Variants in CDC42BPB observed in about 807,000 individuals in gnomAD.
The protein encoded by CDC42BPB is serine/threonine-protein kinase MRCK beta.
Under a neutral mutation model 214.9 loss-of-function variants are expected in CDC42BPB, and 37 were observed. That is an observed-to-expected ratio of 0.17 (90% CI 0.13 to 0.23). The LOEUF (loss-of-function observed/expected upper bound fraction) is 0.23, where lower values mean the gene tolerates loss of function less well. Among genes scored for constraint, CDC42BPB ranks in the 10% least tolerant of loss-of-function variants. The pLI is 1.00. For synonymous variants in CDC42BPB, 931 were observed against 884.0 expected (o/e 1.05, Z -0.94); for missense variants, 1,694 against 2,227.0 (o/e 0.76, Z 4.82).
chr14:102,949,203 C>T (rs986535953), intron 26 of CDC42BPB, among the ~76,000 whole-genome samples: 2 of 152,202 alleles, frequency 1.3e-5, no homozygotes, highest in African/African-American at 4.8e-5. Context: ...GTAACATGAC[C>T]ACTGTCCTCT....
In CDC42BPB at chr14:102,943,534, G is replaced by A. The variant is rs1398849987; in HGVS notation, c.4408+357C>T. The stretch of plus-strand genomic sequence containing the variant: ...TGTCTTTACTACTGTGTAAGTTTCT[G>A]TATTATCACGAGGAAGGCCTTTTAA... On this transcript the variant is annotated intron_variant, in intron 30 of 36. Transcript: ENST00000361246. The surrounding 1 kb of genome is among the most constrained non-coding windows in gnomAD (Gnocchi z 4.6). Among the ~76,000 whole-genome samples, 1 of 151,824 alleles carries A rather than the reference G, an allele frequency of 6.6e-6. No homozygotes were observed. Among genetic ancestry groups the A allele is most frequent in the Non-Finnish European group, 1.5e-5 (1 of 68,008 alleles).
intron 1 of CDC42BPB, among the ~76,000 whole-genome samples, chr14:103,040,725 T>A (rs1189619819): frequency 6.6e-6 from 1 of 152,200 alleles, no homozygotes; most frequent in Non-Finnish European, 1.5e-5. Flanking sequence ...CCCAAAGTGT[T>A]GGGATTACAG....
In CDC42BPB at chr14:102,987,792, C is replaced by CACAA. The variant is rs1489675183; in HGVS notation, c.597-1213_597-1212insTTGT. Among the ~76,000 whole-genome samples, 25 of 144,732 alleles carry CACAA rather than the reference C, an allele frequency of 1.7e-4. No homozygotes were observed. In the East Asian group the frequency reaches 3.4e-3, roughly 19 times the overall value. The allele number at this position is 144,732 out of a possible 152,430, so 94.9% of individuals were successfully genotyped here. A position where few individuals can be genotyped will look rare whatever the true frequency, so the allele number is the denominator to read the frequency against. ...ACAAAATCCCACAAACACACAAACA[C>CACAA]ACACACACACACACACACACACACA... On this transcript the variant is annotated intron_variant, in intron 5 of 36. Transcript: ENST00000361246.
rs35352428 is a variant in CDC42BPB, at chr14:102,944,792, C to A, written c.3812-305G>T. On this transcript the variant is annotated intron_variant, in intron 29 of 36. Transcript: ENST00000361246. This position sits in a 1 kb window ranked among gnomAD's most constrained non-coding sequence, Gnocchi z 6.6. ...TCAGTGCACCAGGGCTCCAGCTGGG[C>A]AGCGCTTCCACCTGGGTCCTCGCGC... is the stretch of plus-strand genomic sequence containing the variant. 4,934 of 469,764 alleles carry A rather than the reference C, an allele frequency of 0.011. 217 individuals are homozygous for A. Among genetic ancestry groups the A allele is most frequent in the African/African-American group, 0.098 (4,617 of 47,036 alleles). The allele number at this position is 469,764 out of a possible 1,614,324, so 29.1% of individuals were successfully genotyped here.
chr14:102,992,473 C>G (rs942413929), intron 5 of CDC42BPB, among the ~76,000 whole-genome samples: 11 of 152,198 alleles, frequency 7.2e-5, no homozygotes, highest in African/African-American at 2.4e-4. Context: ...AGAGACGGTG[C>G]TCCTCTCGTT....
At position 103,057,194 on chromosome 14, in the gene CDC42BPB, C is replaced by G. The variant is rs1303939536; in HGVS notation, c.-21G>C. 6.6e-6 allele frequency: 9 copies of G among 1,362,952 alleles called. No individual in the cohort carries two copies. The highest frequency in any genetic ancestry group is 7.6e-6 in the Non-Finnish European group (8 of 1,051,652). The allele number at this position is 1,362,952 out of a possible 1,614,324, so 84.4% of individuals were successfully genotyped here. ...GACATGGTGCCGCGCGGCCCGCTCCCGACGCGCCGGCCTCTCACCGCCGGC... is the reference window on the plus strand; with the variant it reads ...GACATGGTGCCGCGCGGCCCGCTCCGGACGCGCCGGCCTCTCACCGCCGGC... On this transcript the variant is annotated 5_prime_UTR_variant, in exon 1 of 37. Transcript: ENST00000361246.
At chr14:102,966,214 CACATTTATACTT>C in intron 18 of CDC42BPB, 56 bp downstream of exon 18, 1 of 1,188,848 alleles carries the variant, frequency 8.4e-7, no homozygotes, top group Non-Finnish European at 1.2e-6. Flanking sequence ...ACTTATATGT[CACATTTATACTT>C]AAAACCATTA....
At position 102,943,633 on chromosome 14, in the gene CDC42BPB, G is replaced by T. The variant is rs1892003473; in HGVS notation, c.4408+258C>A. On this transcript the variant is annotated intron_variant, in intron 30 of 36. Coordinates refer to ENST00000361246, the MANE Select transcript of CDC42BPB (RefSeq NM_006035.4). The surrounding 1 kb of genome is among the most constrained non-coding windows in gnomAD (Gnocchi z 4.6). Reference sequence around the variant, plus strand: ...CCCAGGGGCCTATGCCCGCCGACGGGGTCCTCTGCTGAGGCCTCTGGAAGA... The same window carrying T: ...CCCAGGGGCCTATGCCCGCCGACGGTGTCCTCTGCTGAGGCCTCTGGAAGA... Among the ~76,000 whole-genome samples the T allele has an allele frequency of 6.6e-6, 1 of 152,120 alleles. No homozygotes were observed. Among genetic ancestry groups the T allele is most frequent in the Non-Finnish European group, 1.5e-5 (1 of 68,026 alleles).
Position 102,943,708 on chromosome 14 carries a change from G to A in CDC42BPB, c.4408+183C>T, listed in dbSNP as rs1302425283. 1 of 595,440 alleles carries A rather than the reference G, an allele frequency of 1.7e-6. No homozygotes were observed. The allele number at this position is 595,440 out of a possible 1,614,324, so 36.9% of individuals were successfully genotyped here. On this transcript the variant is annotated intron_variant, in intron 30 of 36. Coordinates refer to ENST00000361246, the MANE Select transcript of CDC42BPB (RefSeq NM_006035.4). This position sits in a 1 kb window ranked among gnomAD's most constrained non-coding sequence, Gnocchi z 4.6. The stretch of plus-strand genomic sequence containing the variant: ...GAGGTTGCTGAGCCCGCCTACTGCT[G>A]GTCTGAGACGTGAGATCTGAACCAT...
At chr14:103,008,902 G>C (rs867424762) in intron 2 of CDC42BPB, among the ~76,000 whole-genome samples, 4 of 152,230 alleles carry the variant, frequency 2.6e-5, no homozygotes, top group Admixed American at 6.5e-5. Flanking sequence ...GTGGGGCACA[G>C]TCAGCACTCA....
At chr14:102,997,601 C>G (rs1166655222) in intron 5 of CDC42BPB, among the ~76,000 whole-genome samples, 1 of 152,138 alleles carries the variant, frequency 6.6e-6, no homozygotes, top group Non-Finnish European at 1.5e-5. Context: ...AAAACCAGAT[C>G]GAGACTACCC....
chr14:102,974,220 C>T (rs1893627939), intron 11 of CDC42BPB, 71 bp from the exon 12 acceptor site: 2 of 1,568,060 alleles, frequency 1.3e-6, no homozygotes, highest in African/African-American at 1.4e-5. Flanking sequence ...TGTTAGCTGA[C>T]TTACTGACAG....
At chr14:102,965,075 G>A (rs998295011) in intron 18 of CDC42BPB, among the ~76,000 whole-genome samples, 7 of 152,044 alleles carry the variant, frequency 4.6e-5, no homozygotes, top group Admixed American at 3.3e-4. Flanking sequence ...TGGGATTACA[G>A]GTGCCGCACC....
intron 5 of CDC42BPB, among the ~76,000 whole-genome samples, chr14:102,994,390 C>T (rs1453148866): frequency 6.6e-6 from 1 of 151,246 alleles, no homozygotes; most frequent in Non-Finnish European, 1.5e-5. Flanking sequence ...TTTAAGTGAA[C>T]TTGCTGTTTG....
In CDC42BPB at chr14:102,979,667, G is replaced by A. The variant is rs140936093; in HGVS notation, c.1140+1106C>T. On this transcript the variant is annotated intron_variant, in intron 8 of 36. Transcript: ENST00000361246. ...CATACAGAGTGAATGATGATGCTTC[G>A]GTGTAAGAAACTCTCTAAATTAATA... Among the ~76,000 whole-genome samples the A allele has an allele frequency of 1.6e-3, 246 of 152,238 alleles. 1 individual carries two copies. The highest frequency in any genetic ancestry group is 4.9e-3 in the African/African-American group (202 of 41,522).
At chr14:102,957,260 G>C (rs1892754504) in intron 21 of CDC42BPB, among the ~76,000 whole-genome samples, 1 of 151,394 alleles carries the variant, frequency 6.6e-6, no homozygotes, top group Non-Finnish European at 1.5e-5. Flanking sequence ...AGGCGTGCTG[G>C]CTGTAGAGAA....
At chr14:102,976,091 T>C (rs771002504) in intron 9 of CDC42BPB, 42 bp from the exon 10 acceptor site, 1 of 1,597,250 alleles carries the variant, frequency 6.3e-7, no homozygotes, top group Non-Finnish European at 8.5e-7. Flanking sequence ...TACTGAAAAT[T>C]TAGCGATTTC....
At chr14:102,993,012 TAG>T (rs1894566458) in intron 5 of CDC42BPB, among the ~76,000 whole-genome samples, 1 of 151,874 alleles carries the variant, frequency 6.6e-6, no homozygotes, top group Admixed American at 6.6e-5. Context: ...GTATTTTTAG[TAG>T]AGACAGGGTT....
intron 5 of CDC42BPB, among the ~76,000 whole-genome samples, chr14:102,991,655 C>T (rs1566886921): frequency 1.3e-5 from 2 of 152,138 alleles, no homozygotes; most frequent in African/African-American, 4.8e-5. Context: ...TGTGTGTACA[C>T]ATGTGGAGAG....
Sources: allele counts gnomAD v4.1 joint callset (sites outside exome capture counted in the v4.1 genomes callset), GRCh38; gene constraint gnomAD v4.1.1; non-coding constraint Gnocchi (gnomAD v3.1); transcripts MANE v1.5; gene names NCBI Gene and HGNC (gene_info 2026-07-23, HGNC 2026-07-21).